LIMK2: variants seen among roughly 807,000 people sequenced by gnomAD.
LIMK2 encodes LIM domain kinase 2.
LIMK2 carries 35 observed loss-of-function variants against 75.7 expected under a neutral mutation model. That is an observed-to-expected ratio of 0.46 (90% CI 0.35 to 0.61). LIMK2 has a LOEUF of 0.61. LIMK2 is among the 20% of genes least tolerant of loss of function. The pLI is 0.00. For synonymous variants in LIMK2, 301 were observed against 319.2 expected, an observed-to-expected ratio of 0.94 and a Z score of 0.61; for missense variants, 623 against 831.0, an observed-to-expected ratio of 0.75 and a Z score of 3.08.
intron 14 of LIMK2, among the ~76,000 whole-genome samples, chr22:31,274,248 A>T (rs529370495): frequency 6.6e-6 from 1 of 152,054 alleles, no homozygotes; most frequent in African/African-American, 2.4e-5. Context: ...GGAATCTTGG[A>T]AAGATTCCTA....
chr22:31,271,833 C>G (rs182715593), intron 12 of LIMK2, among the ~76,000 whole-genome samples: 102 of 152,272 alleles, frequency 6.7e-4, no homozygotes, highest in Admixed American at 3.7e-3. Flanking sequence ...CTTTTTCTGT[C>G]TTATCCTGGT....
At chr22:31,275,463 G>T (rs1442237729) in intron 15 of LIMK2, 155 bp downstream of exon 15, 3 of 671,734 alleles carry the variant, frequency 4.5e-6, no homozygotes, top group Non-Finnish European at 7.5e-6. Context: ...CAACACATAT[G>T]TACAGGTTGG....
At chr22:31,263,777 T>C (rs921189427) in intron 7 of LIMK2, among the ~76,000 whole-genome samples, 6 of 152,156 alleles carry the variant, frequency 3.9e-5, no homozygotes, top group African/African-American at 1.2e-4. Flanking sequence ...GCCGGAGGAT[T>C]GCTTGAGGCC....
chr22:31,269,168 C>T (rs1263267198), intron 11 of LIMK2, among the ~76,000 whole-genome samples: 2 of 151,748 alleles, frequency 1.3e-5, no homozygotes, highest in African/African-American at 4.8e-5. Context: ...TGCAGTGGCA[C>T]GATCATGGCT....
intron 2 of LIMK2, among the ~76,000 whole-genome samples, chr22:31,233,058 C>T (rs974672886): frequency 2.0e-5 from 3 of 152,204 alleles, no homozygotes; most frequent in South Asian, 2.1e-4. Flanking sequence ...CTACCGACCA[C>T]TCTTCAGGCT....
At chr22:31,265,865 C>T in intron 7 of LIMK2, 81 bp from the exon 8 acceptor site, 2 of 1,110,016 alleles carry the variant, frequency 1.8e-6, no homozygotes, top group South Asian at 2.7e-5. Flanking sequence ...GAACAGGTGC[C>T]CCTAAGTTTC....
intron 1 of LIMK2, among the ~76,000 whole-genome samples, chr22:31,223,320 A>AT (rs2048452278): frequency 6.6e-6 from 1 of 152,242 alleles, no homozygotes; most frequent in Non-Finnish European, 1.5e-5. Flanking sequence ...GGGTATGGCA[A>AT]TAACAAGTTA....
At chr22:31,214,171 C>A (rs533611160) in intron 1 of LIMK2, among the ~76,000 whole-genome samples, 1 of 152,196 alleles carries the variant, frequency 6.6e-6, no homozygotes, top group African/African-American at 2.4e-5. Flanking sequence ...TGTCTTGAAC[C>A]CTGTTTCTTA....
chr22:31,228,018 G>A (rs1016312983), intron 2 of LIMK2, among the ~76,000 whole-genome samples: 26 of 127,832 alleles, frequency 2.0e-4, no homozygotes, highest in African/African-American at 6.7e-4. Context: ...AGCTCTGTGC[G>A]TGCGTGTGTG....
At chr22:31,232,064 C>G (rs1296672326) in intron 2 of LIMK2, among the ~76,000 whole-genome samples, 1 of 151,798 alleles carries the variant, frequency 6.6e-6, no homozygotes, top group African/African-American at 2.4e-5. Context: ...TCCTCCTGCC[C>G]CAGCCTCCCA....
In LIMK2 at chr22:31,267,022, A is replaced by G; in HGVS notation, c.1080A>G (p.Lys360=). 1.2e-6 allele frequency: 2 copies of G among 1,610,658 alleles called. No individual in the cohort carries two copies. The highest frequency in any genetic ancestry group is 1.7e-6 in the Non-Finnish European group (2 of 1,178,182). ...CCACGGGCAAAGTGATGGTCATGAA[A>G]GAGTTAATTCGATGTGATGAGGAGA... The part of the protein sequence containing the change: ...HKATGKVMVM[K]ELIRCDEETQ... The change falls in exon 9 of 16, where the codon AAA becomes AAG. Residue 360 remains lysine (K), a synonymous_variant. Coordinates refer to ENST00000331728, the MANE Select transcript of LIMK2 (RefSeq NM_005569.4).
At chr22:31,260,540 A>G (rs146694517) in intron 5 of LIMK2, among the ~76,000 whole-genome samples, 102 of 152,350 alleles carry the variant, frequency 6.7e-4, no homozygotes, top group African/African-American at 2.3e-3. Flanking sequence ...ATGGCCCAAA[A>G]GAAGTTAAGA....
rs557016526 is a variant in LIMK2, at chr22:31,226,272, G to A, written c.116+453G>A. On this transcript the variant is annotated intron_variant, in intron 2 of 15. Coordinates refer to ENST00000331728, the MANE Select transcript of LIMK2 (RefSeq NM_005569.4). ...GGCTGGAGTGCAGTGGTGCAATCTC[G>A]GCTCACTGCAATCTCTGCCTGCTGG... is the stretch of plus-strand genomic sequence containing the variant. Among the ~76,000 whole-genome samples the A allele has an allele frequency of 2.2e-4, 33 of 151,590 alleles. No individual in the cohort carries two copies. The East Asian group carries it at 3.5e-3, about 16-fold the overall frequency.
At chr22:31,252,839 A>C (rs1461311861) in intron 2 of LIMK2, among the ~76,000 whole-genome samples, 1 of 152,248 alleles carries the variant, frequency 6.6e-6, no homozygotes, top group Non-Finnish European at 1.5e-5. Context: ...ACAAGTGAGG[A>C]AACTGAGGCT....
At position 31,266,018 on chromosome 22, in the gene LIMK2, C is replaced by T. The variant is rs761426360; in HGVS notation, c.927C>T (p.Ile309=). The T allele has an allele frequency of 1.2e-6, 2 of 1,614,224 alleles. No individual in the cohort carries two copies. Among genetic ancestry groups the T allele is most frequent in the Non-Finnish European group, 1.7e-6 (2 of 1,180,028 alleles). Reference sequence around the variant, plus strand: ...AGCCCCTGCTGTTCAGCCGTGACATCAGCCGCTCAGAATCCCTTCGTTGTT... The same window carrying T: ...AGCCCCTGCTGTTCAGCCGTGACATTAGCCGCTCAGAATCCCTTCGTTGTT... ...PKEPLLFSRD[I]SRSESLRCSS... Residue 309 remains isoleucine, a synonymous_variant, in exon 8 of 16, where the codon ATC becomes ATT. Transcript: ENST00000331728.
intron 8 of LIMK2, 137 bp from the exon 9 acceptor site, chr22:31,266,847 C>T: frequency 1.5e-6 from 1 of 667,796 alleles, no homozygotes; most frequent in Non-Finnish European, 2.7e-6. Flanking sequence ...CTGCATCTTC[C>T]ACACATGAAC....
intron 1 of LIMK2, among the ~76,000 whole-genome samples, chr22:31,223,612 A>C (rs2048454976): frequency 2.0e-5 from 3 of 152,200 alleles, no homozygotes; most frequent in African/African-American, 7.2e-5. Context: ...GTTTGTGTTC[A>C]TTAAAATCTC....
chr22:31,248,334 G>A, intron 2 of LIMK2: 1 of 1,222,860 alleles, frequency 8.2e-7, no homozygotes, highest in Non-Finnish European at 1.0e-6. Context: ...CCCTCATTCA[G>A]GGGTGGGACT....
intron 15 of LIMK2, among the ~76,000 whole-genome samples, chr22:31,276,518 G>A (rs1013389903): frequency 2.0e-5 from 3 of 147,130 alleles, no homozygotes; most frequent in African/African-American, 4.9e-5. Flanking sequence ...GGGAGGGGGC[G>A]GGGCGCGACC....
Sources: allele counts gnomAD v4.1 joint callset (sites outside exome capture counted in the v4.1 genomes callset), GRCh38; gene constraint gnomAD v4.1.1; transcripts MANE v1.5; gene names NCBI Gene and HGNC (gene_info 2026-07-23, HGNC 2026-07-21).